AKR1C3: variants seen among roughly 807,000 people sequenced by gnomAD.
AKR1C3 encodes 3-alpha hydroxysteroid dehydrogenase, type II.
Under a neutral mutation model 43.6 loss-of-function variants are expected in AKR1C3, and 48 were observed. The observed-to-expected ratio is 1.10, with a 90% CI of 0.87 to 1.40. The LOEUF is 1.40. Ranked by LOEUF, AKR1C3 falls within the 40% of genes most tolerant of loss-of-function variation. The probability of loss-of-function intolerance (pLI) is 0.00; values close to 1 mark genes in which losing one functional copy is unlikely to be tolerated. For missense variants in AKR1C3, 482 were observed against 391.2 expected (o/e 1.23, Z -1.96); for synonymous variants, 162 against 139.6 (o/e 1.16, Z -1.13).
At chr10:5,075,221 A>C (rs1554781689) in intron 1 of AKR1C3, among the ~76,000 whole-genome samples, 1 of 151,830 alleles carries the variant, frequency 6.6e-6, no homozygotes, top group African/African-American at 2.4e-5. Flanking sequence ...ATAAACTTAG[A>C]TGGTTTACAC....
chr10:5,104,986 T>A (rs1839463249), intron 7 of AKR1C3, among the ~76,000 whole-genome samples: 1 of 150,060 alleles, frequency 6.7e-6, no homozygotes, highest in Non-Finnish European at 1.5e-5. Flanking sequence ...AGTGATTTAG[T>A]CAATTTATAG....
chr10:5,100,684 A>C (rs988103069), intron 5 of AKR1C3, among the ~76,000 whole-genome samples: 8 of 152,192 alleles, frequency 5.3e-5, no homozygotes, highest in Non-Finnish European at 8.8e-5. Context: ...GAAGTGTATA[A>C]AATTTGTGAA....
chr10:5,101,316 GTTAT>G (rs1323091648), intron 5 of AKR1C3, among the ~76,000 whole-genome samples: 7 of 151,814 alleles, frequency 4.6e-5, no homozygotes, highest in Admixed American at 2.0e-4. Flanking sequence ...GTATTTAATG[GTTAT>G]TTATTATTGT....
chr10:5,086,654 C>A (rs557580266), intron 1 of AKR1C3, among the ~76,000 whole-genome samples: 1 of 152,072 alleles, frequency 6.6e-6, no homozygotes, highest in African/African-American at 2.4e-5. Flanking sequence ...TCTCGTTGAT[C>A]TGTCTAATGT....
At chr10:5,097,692 T>G (rs551990617) in intron 3 of AKR1C3, 142 bp downstream of exon 3, 1 of 1,512,118 alleles carries the variant, frequency 6.6e-7, no homozygotes, top group Admixed American at 2.3e-5. Context: ...ACACCTAATT[T>G]CCTTTCTTTC....
At chr10:5,068,145 T>C (rs1838546023) in intron 1 of AKR1C3, among the ~76,000 whole-genome samples, 1 of 151,964 alleles carries the variant, frequency 6.6e-6, no homozygotes, top group Admixed American at 6.5e-5. Context: ...GAAAATTTGG[T>C]TATTTCTATG....
upstream of AKR1C3, among the ~76,000 whole-genome samples, chr10:5,092,892 A>G (rs1554784526): frequency 6.6e-6 from 1 of 152,084 alleles, no homozygotes; most frequent in Non-Finnish European, 1.5e-5. Flanking sequence ...TGAGCATTTC[A>G]AAATATAGAC....
At chr10:5,049,548 T>G (rs1253160079) in intron 1 of AKR1C3, among the ~76,000 whole-genome samples, 4 of 152,240 alleles carry the variant, frequency 2.6e-5, no homozygotes, top group Non-Finnish European at 5.9e-5. Context: ...GCATCAGATT[T>G]GTAACAAAAT....
rs200981816 is a variant in AKR1C3 at position 5,097,450 on chromosome 10, A to G, written c.269A>G (p.His90Arg). 472 of 1,613,674 alleles carry G rather than the reference A, an allele frequency of 2.9e-4. No homozygotes were observed. The highest frequency in any genetic ancestry group is 4.5e-4 in the Admixed American group (27 of 59,962). ...FYTSKLWSTF[H>R]RPELVRPALE... Reference sequence around the variant, plus strand: ...CCTCTGCAGCTTTGGTCCACTTTTCATCGACCAGAGTTGGTCCGACCAGCC... The same window carrying G: ...CCTCTGCAGCTTTGGTCCACTTTTCGTCGACCAGAGTTGGTCCGACCAGCC... The change falls in exon 3 of 9, where the codon CAT (histidine) becomes CGT (arginine). Residue 90 changes from histidine (H) to arginine (R), a missense_variant. Coordinates refer to ENST00000380554, the MANE Select transcript of AKR1C3 (RefSeq NM_003739.6).
At chr10:5,058,975 G>A (rs1476236372) in intron 1 of AKR1C3, among the ~76,000 whole-genome samples, 3 of 152,126 alleles carry the variant, frequency 2.0e-5, no homozygotes, top group Non-Finnish European at 2.9e-5. Context: ...TGAAGTGAAG[G>A]ACCTTACCCT....
At chr10:5,104,947 C>T (rs1265196990) in intron 7 of AKR1C3, among the ~76,000 whole-genome samples, 1 of 151,550 alleles carries the variant, frequency 6.6e-6, no homozygotes, top group African/African-American at 2.4e-5. Context: ...TTTTTATTCT[C>T]TCTCTCTCAT....
chr10:5,102,976 TG>T (rs1457064614), intron 7 of AKR1C3, among the ~76,000 whole-genome samples: 1 of 151,710 alleles, frequency 6.6e-6, no homozygotes, highest in Non-Finnish European at 1.5e-5. Context: ...AGTCTCATTC[TG>T]TCTCCCAGAT....
In AKR1C3 at chr10:5,099,420, G is replaced by A; in HGVS notation, c.541G>A (p.Gly181Arg). 1 of 1,614,160 alleles carries A rather than the reference G, an allele frequency of 6.2e-7. No homozygotes were observed. Among genetic ancestry groups the A allele is most frequent in the East Asian group, 2.2e-5 (1 of 44,870 alleles). ...RQLEMILNKP[G>R]LKYKPVCNQV... The stretch of plus-strand genomic sequence containing the variant: ...GCTGGAGATGATCCTCAACAAGCCA[G>A]GACTCAAGTACAAGCCTGTCTGCAA... Residue 181 changes from glycine to arginine, a missense_variant, in exon 5 of 9, where the codon GGA becomes AGA. Gly to Arg is a moderately radical substitution (Grantham distance 125). Transcript: ENST00000380554.
upstream of AKR1C3, chr10:5,093,352 A>G (rs782706434): frequency 3.9e-5 from 6 of 152,142 alleles, no homozygotes; most frequent in Non-Finnish European, 8.8e-5. Flanking sequence ...TATTGTATCA[A>G]TGTATAATAA....
intron 1 of AKR1C3, among the ~76,000 whole-genome samples, chr10:5,076,455 C>A (rs1203656096): frequency 1.3e-5 from 2 of 152,128 alleles, no homozygotes; most frequent in South Asian, 4.1e-4. Flanking sequence ...AATCTCTATT[C>A]TGCATAAATT....
At chr10:5,081,495 A>G (rs1838837155) in intron 1 of AKR1C3, among the ~76,000 whole-genome samples, 1 of 152,214 alleles carries the variant, frequency 6.6e-6, no homozygotes, top group African/African-American at 2.4e-5. Context: ...CTGAAAAACA[A>G]TCATTGTATA....
intron 1 of AKR1C3, among the ~76,000 whole-genome samples, chr10:5,087,002 A>G (rs1382795602): frequency 6.6e-6 from 1 of 152,136 alleles, no homozygotes; most frequent in Admixed American, 6.5e-5. Context: ...CAGCACACTG[A>G]TGGGTCTTGA....
chr10:5,081,215 G>A (rs1410319985), intron 1 of AKR1C3, among the ~76,000 whole-genome samples: 2 of 152,124 alleles, frequency 1.3e-5, no homozygotes, highest in Admixed American at 6.5e-5. Flanking sequence ...GCTATAAGCA[G>A]CTATAAGAAA....
intron 1 of AKR1C3, chr10:5,096,043 C>T (rs1839199168): frequency 6.2e-6 from 1 of 160,524 alleles, no homozygotes; most frequent in African/African-American, 2.4e-5. Flanking sequence ...TGGGAGAGAA[C>T]TCATATGAGC....
Sources: allele counts gnomAD v4.1 joint callset (sites outside exome capture counted in the v4.1 genomes callset), GRCh38; gene constraint gnomAD v4.1.1; transcripts MANE v1.5; gene names NCBI Gene and HGNC (gene_info 2026-07-23, HGNC 2026-07-21).